DOCK7: variants seen among roughly 807,000 people sequenced by gnomAD.
DOCK7 encodes the protein dedicator of cytokinesis protein 7.
In DOCK7, 138 loss-of-function variants were observed where a neutral mutation model predicts 271.0. That is an observed-to-expected ratio of 0.51 (90% CI 0.44 to 0.59). DOCK7 has a LOEUF of 0.59. DOCK7 is among the 20% of genes least tolerant of loss of function. DOCK7 has a pLI of 0.00. For missense variants in DOCK7, 2,066 were observed against 2,592.4 expected (o/e 0.80, Z 4.41); for synonymous variants, 823 against 876.1 (o/e 0.94, Z 1.07).
intron 1 of DOCK7, among the ~76,000 whole-genome samples, chr1:62,676,017 C>T (rs113995285): frequency 0.011 from 1,624 of 152,184 alleles, 24 homozygotes; most frequent in African/African-American, 0.037. Context: ...TACACTATGA[C>T]CTAGCAATTC....
intron 1 of DOCK7, among the ~76,000 whole-genome samples, chr1:62,685,036 C>T (rs76634846): frequency 0.011 from 1,711 of 152,218 alleles, 15 homozygotes; most frequent in Non-Finnish European, 0.018. Flanking sequence ...ATTTCATATA[C>T]GAACACTAGG....
chr1:62,629,555 A>T (rs781525643), intron 11 of DOCK7: 81 of 152,232 alleles, frequency 5.3e-4, no homozygotes, highest in Non-Finnish European at 5.9e-5. Context: ...AATATATATT[A>T]AAGGTTGTTT....
chr1:62,513,405 T>C (rs773746666), intron 33 of DOCK7, 39 bp downstream of exon 33: 55 of 1,557,788 alleles, frequency 3.5e-5, no homozygotes, highest in Non-Finnish European at 4.4e-5. Flanking sequence ...ACAATGATCA[T>C]TACAATATAC....
chr1:62,637,626 G>T (rs1459697115), intron 7 of DOCK7, among the ~76,000 whole-genome samples: 1 of 152,166 alleles, frequency 6.6e-6, no homozygotes, highest in East Asian at 1.9e-4. Flanking sequence ...GGTATTAAAA[G>T]AGAATCGAGG....
At chr1:62,462,771 A>AT (rs561950171) in intron 48 of DOCK7, among the ~76,000 whole-genome samples, 79 of 148,370 alleles carry the variant, frequency 5.3e-4, no homozygotes, top group South Asian at 3.9e-3. Context: ...TTGCAAATGG[A>AT]TTTTTTTTTT....
chr1:62,504,626 T>G lies in DOCK7; in HGVS notation c.4764+4A>C, dbSNP rs773541932. ...ACAGAGAATTTTCATGATAAAATACTTACATTCCCAATCTCAAAGTTTTGC... is the reference window on the plus strand; with the variant it reads ...ACAGAGAATTTTCATGATAAAATACGTACATTCCCAATCTCAAAGTTTTGC... On this transcript the variant is annotated splice_donor_region_variant and intron_variant, in intron 37 of 49. Coordinates refer to ENST00000635253, the MANE Select transcript of DOCK7 (RefSeq NM_001367561.1). 1 of 1,608,246 alleles carries G rather than the reference T, an allele frequency of 6.2e-7. No homozygotes were observed. Among genetic ancestry groups the G allele is most frequent in the South Asian group, 1.1e-5 (1 of 89,218 alleles).
At chr1:62,675,336 A>C (rs910332181) in intron 1 of DOCK7, among the ~76,000 whole-genome samples, 8 of 152,132 alleles carry the variant, frequency 5.3e-5, no homozygotes, top group African/African-American at 1.9e-4. Context: ...CCAGGAGTTC[A>C]AAGCAGCAGT....
chr1:62,479,866 G>A lies in DOCK7; in HGVS notation c.5509-2041C>T, dbSNP rs116275420. 9.8e-3 allele frequency: 1,677 copies of A among 170,962 alleles called. 18 individuals are homozygous for A. Among genetic ancestry groups the A allele is most frequent in the Non-Finnish European group, 0.014 (1,097 of 76,210 alleles). 10.6% of individuals were successfully genotyped at this position (170,962 alleles called of 1,614,324 possible). ...ACCCAGCTAATTTTTTGTACTTTTT[G>A]TAGAGATGGGGTTTTGCCACGCTGC... On this transcript the variant is annotated intron_variant, in intron 43 of 49. Transcript: ENST00000635253.
chr1:62,531,738 C>T (rs1459584747), intron 29 of DOCK7, among the ~76,000 whole-genome samples: 1 of 152,212 alleles, frequency 6.6e-6, no homozygotes, highest in Admixed American at 6.5e-5. Flanking sequence ...CTCTCCAAGA[C>T]AATGCTGCAT....
chr1:62,647,138 A>G (rs1201743431), intron 7 of DOCK7, among the ~76,000 whole-genome samples: 1 of 152,224 alleles, frequency 6.6e-6, no homozygotes, highest in African/African-American at 2.4e-5. Context: ...TTTTTTCTTA[A>G]GTCAGAACAA....
chr1:62,596,639 T>C (rs995094514), intron 14 of DOCK7, among the ~76,000 whole-genome samples: 7 of 152,004 alleles, frequency 4.6e-5, no homozygotes, highest in Non-Finnish European at 8.8e-5. Context: ...TAAGACATCA[T>C]CTTTAAAAAA....
intron 1 of DOCK7, among the ~76,000 whole-genome samples, chr1:62,669,462 G>C (rs905524798): frequency 1.3e-5 from 2 of 152,188 alleles, no homozygotes; most frequent in Admixed American, 6.5e-5. Context: ...TTGAGGAATA[G>C]ACAAGAAAAC....
chr1:62,635,262 T>C lies in DOCK7; in HGVS notation c.886-340A>G, dbSNP rs180791846. 318 of 161,188 alleles carry C rather than the reference T, an allele frequency of 2.0e-3. 2 individuals are homozygous for C. The highest frequency in any genetic ancestry group is 7.2e-3 in the African/African-American group (302 of 41,840). 10.0% of individuals were successfully genotyped at this position (161,188 alleles called of 1,614,324 possible). A position where few individuals can be genotyped will look rare whatever the true frequency, so the allele number is the denominator to read the frequency against. Reference sequence around the variant, plus strand: ...AAGTAAACAAGCTATTTGGAAAACATAATAAGCATATTCTAAACAACCATA... The same window carrying C: ...AAGTAAACAAGCTATTTGGAAAACACAATAAGCATATTCTAAACAACCATA... On this transcript the variant is annotated intron_variant, in intron 8 of 49. Coordinates refer to ENST00000635253, the MANE Select transcript of DOCK7 (RefSeq NM_001367561.1).
At chr1:62,680,613 G>A (rs1027683704) in intron 1 of DOCK7, among the ~76,000 whole-genome samples, 11 of 152,018 alleles carry the variant, frequency 7.2e-5, no homozygotes, top group Admixed American at 2.0e-4. Flanking sequence ...CCTACAAAAC[G>A]GGAGAAAATT....
At chr1:62,490,800 A>G (rs1646443210) in intron 41 of DOCK7, among the ~76,000 whole-genome samples, 2 of 152,212 alleles carry the variant, frequency 1.3e-5, no homozygotes, top group African/African-American at 2.4e-5. Flanking sequence ...CTCCAAAAAC[A>G]AAAAAATTTT....
intron 33 of DOCK7, among the ~76,000 whole-genome samples, chr1:62,513,055 C>T (rs1020068039): frequency 2.0e-5 from 3 of 151,906 alleles, no homozygotes; most frequent in Non-Finnish European, 4.4e-5. Flanking sequence ...ATGGGGGAGG[C>T]TACGCATACT....
Position 62,455,288 on chromosome 1 carries a change from G to C in DOCK7, c.*126C>G, listed in dbSNP as rs1306071435. ...ACAATCTACATTTGATATTTTCTTG[G>C]CCACTGCATTCTTCAATGAATAATA... On this transcript the variant is annotated 3_prime_UTR_variant, in exon 50 of 50. Transcript: ENST00000635253. 7 of 964,178 alleles carry C rather than the reference G, an allele frequency of 7.3e-6. No individual in the cohort carries two copies. Among genetic ancestry groups the C allele is most frequent in the Non-Finnish European group, 1.1e-5 (7 of 615,794 alleles). The allele number at this position is 964,178 out of a possible 1,614,324, so 59.7% of individuals were successfully genotyped here. A position where few individuals can be genotyped will look rare whatever the true frequency, so the allele number is the denominator to read the frequency against.
chr1:62,657,494 C>G (rs2149703896), intron 2 of DOCK7, among the ~76,000 whole-genome samples: 1 of 152,096 alleles, frequency 6.6e-6, no homozygotes, highest in South Asian at 2.1e-4. Context: ...GGTCCAAGTT[C>G]CAATAAAAAA....
chr1:62,584,605 A>G, intron 15 of DOCK7: 1 of 1,269,756 alleles, frequency 7.9e-7, no homozygotes, highest in Non-Finnish European at 9.9e-7. Flanking sequence ...TAAAGCAGAC[A>G]GTGTTCCTTT....
Sources: gnomAD v4.1 joint callset for allele counts (sites outside exome capture counted in the v4.1 genomes callset) on GRCh38, gnomAD v4.1.1 for gene constraint, MANE v1.5 for transcripts, NCBI Gene and HGNC (gene_info 2026-07-23, HGNC 2026-07-21) for gene names.